KHDRBS3: variants seen among roughly 807,000 people sequenced by gnomAD.
KHDRBS3 encodes KH RNA binding domain containing, signal transduction associated 3.
KHDRBS3 carries 23 observed loss-of-function variants against 45.6 expected under a neutral mutation model. That is an observed-to-expected ratio of 0.50 (90% confidence interval 0.36 to 0.72). KHDRBS3 has a LOEUF of 0.72. KHDRBS3 is among the 30% of genes least tolerant of loss of function. The pLI is 0.00. For synonymous variants in KHDRBS3, 162 were observed against 156.5 expected, an observed-to-expected ratio of 1.04 and a Z score of -0.26; for missense variants, 352 against 424.8, an observed-to-expected ratio of 0.83 and a Z score of 1.51.
At chr8:135,645,457 G>A (rs1831244136) in intron 8 of KHDRBS3, among the ~76,000 whole-genome samples, 1 of 152,168 alleles carries the variant, frequency 6.6e-6, no homozygotes, top group Non-Finnish European at 1.5e-5. Flanking sequence ...TGACAGTGAA[G>A]GGAAATGAAG....
intron 1 of KHDRBS3, among the ~76,000 whole-genome samples, chr8:135,497,056 C>T (rs1011472): frequency 0.1 from 15,884 of 152,220 alleles, 916 homozygotes; most frequent in East Asian, 0.19. Context: ...AAAGTGAGTC[C>T]AGACTGAAGA....
intron 2 of KHDRBS3, among the ~76,000 whole-genome samples, chr8:135,528,179 T>G (rs1190774866): frequency 6.6e-6 from 1 of 152,232 alleles, no homozygotes; most frequent in Non-Finnish European, 1.5e-5. Flanking sequence ...CTGTTAAAAG[T>G]TTTTCTAGAA....
chr8:135,545,404 G>A (rs1420329222), intron 3 of KHDRBS3, among the ~76,000 whole-genome samples: 1 of 152,136 alleles, frequency 6.6e-6, no homozygotes, highest in African/African-American at 2.4e-5. Context: ...TTCAGTATTT[G>A]AGTACTCAAA....
At chr8:135,485,842 T>TTTTA (rs908619744) in intron 1 of KHDRBS3, among the ~76,000 whole-genome samples, 7 of 120,324 alleles carry the variant, frequency 5.8e-5, no homozygotes, top group Middle Eastern at 4.1e-3. Flanking sequence ...CATTTCAAGT[T>TTTTA]TATATATATA....
In KHDRBS3 at chr8:135,606,945, TA is replaced by T; in HGVS notation, c.808-9del. On this transcript the variant is annotated splice_polypyrimidine_tract_variant and intron_variant, in intron 6 of 8. Transcript: ENST00000355849. ...CTGAATGTTTTTGTACTTCTCCTGTTATGTTTTAGGACTATGATGATGGATA... is the reference window on the plus strand; with the variant it reads ...CTGAATGTTTTTGTACTTCTCCTGTTTGTTTTAGGACTATGATGATGGATA... 1 of 1,602,218 alleles carries T rather than the reference TA, an allele frequency of 6.2e-7. No homozygotes were observed. The highest frequency in any genetic ancestry group is 8.5e-7 in the Non-Finnish European group (1 of 1,171,658).
intron 1 of KHDRBS3, among the ~76,000 whole-genome samples, chr8:135,511,122 A>G (rs931110869): frequency 2.0e-5 from 3 of 152,232 alleles, no homozygotes; most frequent in Admixed American, 1.3e-4. Flanking sequence ...AGTAATACTA[A>G]GAAAGTAGAG....
At chr8:135,498,556 C>A (rs1823576396) in intron 1 of KHDRBS3, among the ~76,000 whole-genome samples, 1 of 152,130 alleles carries the variant, frequency 6.6e-6, no homozygotes, top group African/African-American at 2.4e-5. Context: ...TCCTTCCCTG[C>A]CTGCTTTGTT....
At chr8:135,575,322 A>G (rs983616573) in intron 5 of KHDRBS3, among the ~76,000 whole-genome samples, 1 of 152,064 alleles carries the variant, frequency 6.6e-6, no homozygotes, top group Non-Finnish European at 1.5e-5. Context: ...GTGGTGCCAC[A>G]CTGTCCTTCC....
At chr8:135,541,812 T>C (rs1586691154) in intron 2 of KHDRBS3, 1 of 152,180 alleles carries the variant, frequency 6.6e-6, no homozygotes, top group Non-Finnish European at 1.5e-5. Context: ...TCAAGATGTA[T>C]GTATTGAGTG....
chr8:135,607,049 T>C lies in KHDRBS3; in HGVS notation c.890+12T>C. 6.3e-7 allele frequency: 1 copy of C among 1,599,520 alleles called. No homozygotes were observed. Among genetic ancestry groups the C allele is most frequent in the African/African-American group, 1.3e-5 (1 of 74,730 alleles). ...ACCCCAGCCCAAAGGTAAGAGTCAG[T>C]CTTTATTACCAGACCCCACAACAGA... On this transcript the variant is annotated intron_variant, in intron 7 of 8. Coordinates refer to ENST00000355849, the MANE Select transcript of KHDRBS3 (RefSeq NM_006558.3).
At chr8:135,519,246 C>T (rs1217800783) in intron 1 of KHDRBS3, among the ~76,000 whole-genome samples, 1 of 152,146 alleles carries the variant, frequency 6.6e-6, no homozygotes, top group Non-Finnish European at 1.5e-5. Context: ...ATAGTGTTTT[C>T]AGACACTTAC....
At chr8:135,522,120 C>T (rs1307510504) in intron 2 of KHDRBS3, among the ~76,000 whole-genome samples, 10 of 152,140 alleles carry the variant, frequency 6.6e-5, no homozygotes, top group Admixed American at 6.6e-4. Flanking sequence ...CCATGACAGG[C>T]CCCACTGTGT....
intron 6 of KHDRBS3, among the ~76,000 whole-genome samples, chr8:135,584,804 C>T (rs975984192): frequency 1.3e-5 from 2 of 152,164 alleles, no homozygotes; most frequent in African/African-American, 4.8e-5. Flanking sequence ...AGCTTGCAAC[C>T]TCTGGCATAA....
intron 2 of KHDRBS3, among the ~76,000 whole-genome samples, chr8:135,524,248 C>G (rs905889584): frequency 5.9e-5 from 9 of 152,082 alleles, no homozygotes; most frequent in African/African-American, 2.2e-4. Context: ...GTGATTTGCC[C>G]ACCTCTGCCT....
At chr8:135,621,366 C>A (rs1056600505) in intron 7 of KHDRBS3, among the ~76,000 whole-genome samples, 4 of 152,128 alleles carry the variant, frequency 2.6e-5, no homozygotes, top group Admixed American at 2.0e-4. Context: ...TTGTTTCCCC[C>A]AAAAATAAAT....
chr8:135,485,943 G>T (rs916603589), intron 1 of KHDRBS3, among the ~76,000 whole-genome samples: 6 of 150,594 alleles, frequency 4.0e-5, no homozygotes, highest in African/African-American at 1.5e-4. Flanking sequence ...ATACTACCAA[G>T]GGCCTTAGCT....
intron 1 of KHDRBS3, among the ~76,000 whole-genome samples, chr8:135,514,526 C>T (rs1025046364): frequency 1.3e-5 from 2 of 152,018 alleles, no homozygotes; most frequent in Non-Finnish European, 2.9e-5. Flanking sequence ...TTTATATAAA[C>T]AAAATAGAAT....
At chr8:135,539,514 A>T (rs1344376493) in intron 2 of KHDRBS3, 1 of 152,266 alleles carries the variant, frequency 6.6e-6, no homozygotes, top group African/African-American at 2.4e-5. Context: ...TCTTGTTCAG[A>T]TAAAATTGTA....
chr8:135,508,740 T>A (rs2130563718), intron 1 of KHDRBS3, among the ~76,000 whole-genome samples: 1 of 152,308 alleles, frequency 6.6e-6, no homozygotes, highest in Non-Finnish European at 1.5e-5. Context: ...ACTTACTATT[T>A]ATTTGATAAA....
Sources: allele counts gnomAD v4.1 joint callset (sites outside exome capture counted in the v4.1 genomes callset), GRCh38; gene constraint gnomAD v4.1.1; transcripts MANE v1.5; gene names NCBI Gene and HGNC (gene_info 2026-07-23, HGNC 2026-07-21).